The following CCNH variants were observed in gnomAD, a reference collection of about 807,000 sequenced individuals.
CCNH encodes the protein cyclin H.
Under a neutral mutation model 41.9 loss-of-function variants are expected in CCNH, and 31 were observed. That is an observed-to-expected ratio of 0.74 (90% CI 0.56 to 1.00). The LOEUF is 1.00. Ranked by LOEUF, CCNH falls within the 50% of genes least tolerant of loss-of-function variation. The probability of loss-of-function intolerance (pLI) is 0.00; values close to 1 mark genes in which losing one functional copy is unlikely to be tolerated. For synonymous variants in CCNH, 138 were observed against 136.1 expected (o/e 1.01, Z -0.10); for missense variants, 362 against 388.4 (o/e 0.93, Z 0.57).
downstream of CCNH, among the ~76,000 whole-genome samples, chr5:87,387,881 T>C (rs770320163): frequency 6.6e-6 from 1 of 152,158 alleles, no homozygotes; most frequent in Non-Finnish European, 1.5e-5. Context: ...TTGGAAAATA[T>C]TTTTACTATA....
chr5:87,374,143 ATATATT>A, downstream of CCNH: 5 of 1,379,530 alleles, frequency 3.6e-6, no homozygotes, highest in Non-Finnish European at 3.8e-6. Context: ...ATATATATAT[ATATATT>A]TTTTTTTTTT....
At chr5:87,397,892 A>G (rs1306202283) in intron 7 of CCNH, among the ~76,000 whole-genome samples, 1 of 152,234 alleles carries the variant, frequency 6.6e-6, no homozygotes, top group Non-Finnish European at 1.5e-5. Flanking sequence ...CTGCTGTATC[A>G]TGAAAATAGC....
downstream of CCNH, among the ~76,000 whole-genome samples, chr5:87,318,242 T>C (rs1299167292): frequency 6.6e-6 from 1 of 152,168 alleles, no homozygotes; most frequent in African/African-American, 2.4e-5. Flanking sequence ...CTATAGGGTA[T>C]ATAAAAATCA....
intron 8 of CCNH, 48 bp from the exon 9 acceptor site, chr5:87,394,532 G>C: frequency 1.2e-6 from 2 of 1,608,112 alleles, no homozygotes; most frequent in Non-Finnish European, 1.7e-6. Context: ...AGCATAACCA[G>C]TATTGTTTAC....
At chr5:87,384,009 A>C (rs1203755797) in intron 9 of CCNH, among the ~76,000 whole-genome samples, 1 of 151,984 alleles carries the variant, frequency 6.6e-6, no homozygotes, top group Non-Finnish European at 1.5e-5. Flanking sequence ...GCATGATTAC[A>C]CACATTCCAC....
At chr5:87,362,792 T>C in intron 9 of CCNH, 1 of 1,130,400 alleles carries the variant, frequency 8.8e-7, no homozygotes, top group Non-Finnish European at 1.3e-6. Context: ...TGACACTTGT[T>C]TAGAGCCCAT....
chr5:87,400,589 C>T (rs554176527), intron 6 of CCNH, among the ~76,000 whole-genome samples: 6 of 152,050 alleles, frequency 3.9e-5, no homozygotes, highest in Non-Finnish European at 7.4e-5. Flanking sequence ...CAAAGGAAGC[C>T]CTCAGGATCA....
At chr5:87,359,000 G>A (rs142844739) in intron 9 of CCNH, among the ~76,000 whole-genome samples, 12 of 152,204 alleles carry the variant, frequency 7.9e-5, no homozygotes, top group Admixed American at 2.6e-4. Context: ...TCAACCCTGC[G>A]GAGCACTTAC....
the CCNH span, among the ~76,000 whole-genome samples, chr5:87,312,211 T>G: frequency 6.6e-6 from 1 of 152,224 alleles, no homozygotes; most frequent in Non-Finnish European, 1.5e-5. Flanking sequence ...ATTTAACTTA[T>G]ATGTAACTTT....
intron 9 of CCNH, among the ~76,000 whole-genome samples, chr5:87,345,448 CT>C (rs1194887444): frequency 1.3e-5 from 2 of 152,070 alleles, no homozygotes; most frequent in Non-Finnish European, 2.9e-5. Context: ...AAAAATCCTG[CT>C]CTAGCATTTG....
intron 9 of CCNH, among the ~76,000 whole-genome samples, chr5:87,321,114 G>A (rs1178326548): frequency 6.6e-6 from 1 of 152,134 alleles, no homozygotes; most frequent in African/African-American, 2.4e-5. Flanking sequence ...ATATGGAGAG[G>A]GTAGTAATGA....
intron 9 of CCNH, among the ~76,000 whole-genome samples, chr5:87,326,944 G>A (rs191701576): frequency 6.6e-6 from 1 of 152,286 alleles, no homozygotes; most frequent in African/African-American, 2.4e-5. Flanking sequence ...ATAGGTAATT[G>A]AGACTAAGAT....
chr5:87,348,817 G>A (rs1335313223), intron 9 of CCNH, among the ~76,000 whole-genome samples: 1 of 151,872 alleles, frequency 6.6e-6, no homozygotes, highest in African/African-American at 2.4e-5. Context: ...GTATTCTTAA[G>A]CAAACTGGTC....
chr5:87,312,651 A>T, the CCNH span, among the ~76,000 whole-genome samples: 23 of 152,224 alleles, frequency 1.5e-4, no homozygotes, highest in African/African-American at 5.5e-4. Flanking sequence ...TAAGGGAAAG[A>T]TAGTTTGCAA....
At chr5:87,330,191 A>G (rs1336733276) in intron 9 of CCNH, among the ~76,000 whole-genome samples, 1 of 152,142 alleles carries the variant, frequency 6.6e-6, no homozygotes, top group Admixed American at 6.5e-5. Context: ...TTCTTTCCAT[A>G]AGTTTTAAGT....
chr5:87,394,111 T>C (rs1762728714), downstream of CCNH: 1 of 322,022 alleles, frequency 3.1e-6, no homozygotes, highest in Admixed American at 5.8e-5. Flanking sequence ...CCTTAACACT[T>C]TTAAAGCTGG....
At chr5:87,388,967 C>G (rs1762263333), downstream of CCNH, among the ~76,000 whole-genome samples, 1 of 152,060 alleles carries the variant, frequency 6.6e-6, no homozygotes, top group Non-Finnish European at 1.5e-5. Flanking sequence ...TTGTACACAT[C>G]TGTCATGCTA....
intron 5 of CCNH, among the ~76,000 whole-genome samples, chr5:87,403,141 A>C (rs1163359313): frequency 6.6e-6 from 1 of 152,054 alleles, no homozygotes; most frequent in Non-Finnish European, 1.5e-5. Flanking sequence ...AATCAGCAAT[A>C]AATGTAAAGC....
chr5:87,365,965 T>G (rs1053281718), intron 9 of CCNH, among the ~76,000 whole-genome samples: 5 of 152,134 alleles, frequency 3.3e-5, no homozygotes, highest in Non-Finnish European at 7.4e-5. Context: ...TTCAGTTGCA[T>G]GTGTTTTCAG....
Sources: allele counts gnomAD v4.1 joint callset (sites outside exome capture counted in the v4.1 genomes callset), GRCh38; gene constraint gnomAD v4.1.1; transcripts MANE v1.5; gene names NCBI Gene and HGNC (gene_info 2026-07-23, HGNC 2026-07-21).